Variants in CCSER1 observed in about 807,000 individuals in gnomAD.
CCSER1 encodes serine-rich coiled-coil domain-containing protein 1.
In CCSER1, 41 loss-of-function variants were observed where a neutral mutation model predicts 82.0. The observed-to-expected ratio is 0.50, with a 90% CI of 0.39 to 0.65. CCSER1 has a LOEUF of 0.65. CCSER1 is among the 30% of genes least tolerant of loss of function. The pLI, the probability that CCSER1 is intolerant of heterozygous loss-of-function variation, is 0.00. For synonymous variants in CCSER1, 414 were observed against 383.9 expected (o/e 1.08, Z -0.92); for missense variants, 1,119 against 1,064.2 (o/e 1.05, Z -0.72).
intron 10 of CCSER1, among the ~76,000 whole-genome samples, chr4:91,373,532 A>T (rs1309946037): frequency 6.6e-6 from 1 of 152,120 alleles, no homozygotes; most frequent in Non-Finnish European, 1.5e-5. Context: ...GAAGACAGCA[A>T]ACTGAATACA....
intron 10 of CCSER1, among the ~76,000 whole-genome samples, chr4:91,265,797 T>G (rs1560553183): frequency 1.3e-5 from 2 of 152,132 alleles, no homozygotes; most frequent in Non-Finnish European, 1.5e-5. Flanking sequence ...ACTGAAAAAT[T>G]TTGGGAAAAC....
At chr4:90,602,084 T>C (rs892838524) in intron 5 of CCSER1, among the ~76,000 whole-genome samples, 2 of 152,180 alleles carry the variant, frequency 1.3e-5, no homozygotes, top group African/African-American at 4.8e-5. Flanking sequence ...TACATTCTTA[T>C]AGAATTTATG....
chr4:91,023,826 C>T (rs1561479988), intron 9 of CCSER1, among the ~76,000 whole-genome samples: 1 of 152,158 alleles, frequency 6.6e-6, no homozygotes, highest in Non-Finnish European at 1.5e-5. Flanking sequence ...ACATTTAATG[C>T]CATGTTTCTC....
intron 10 of CCSER1, among the ~76,000 whole-genome samples, chr4:91,286,572 G>A (rs924039119): frequency 2.6e-5 from 4 of 151,714 alleles, no homozygotes; most frequent in Non-Finnish European, 5.9e-5. Context: ...TTATCTACAT[G>A]TGATATGAAT....
intron 10 of CCSER1, among the ~76,000 whole-genome samples, chr4:91,411,063 T>C (rs951001822): frequency 6.6e-6 from 1 of 152,014 alleles, no homozygotes; most frequent in Non-Finnish European, 1.5e-5. Flanking sequence ...TATAATTTTA[T>C]GTAATTTTAT....
intron 7 of CCSER1, among the ~76,000 whole-genome samples, chr4:90,737,631 T>A (rs939263487): frequency 5.3e-5 from 8 of 152,152 alleles, no homozygotes; most frequent in African/African-American, 1.9e-4. Context: ...CTATAAATTT[T>A]AGGTACTTAA....
At chr4:90,497,487 CAT>C (rs1203878212) in intron 5 of CCSER1, among the ~76,000 whole-genome samples, 4 of 152,136 alleles carry the variant, frequency 2.6e-5, no homozygotes, top group East Asian at 3.8e-4. Flanking sequence ...AATAAAAACA[CAT>C]GTTTACAATA....
chr4:90,900,695 G>A (rs1230140576), intron 8 of CCSER1, among the ~76,000 whole-genome samples: 1 of 151,898 alleles, frequency 6.6e-6, no homozygotes, highest in Non-Finnish European at 1.5e-5. Context: ...AATGTGTTGA[G>A]AATCTCTTTA....
chr4:91,336,803 A>G (rs909621736), intron 10 of CCSER1, among the ~76,000 whole-genome samples: 5 of 152,136 alleles, frequency 3.3e-5, no homozygotes, highest in Non-Finnish European at 7.4e-5. Flanking sequence ...TTATAGAAAC[A>G]TAATGTTAAA....
chr4:90,543,930 C>A (rs916705508), intron 5 of CCSER1, among the ~76,000 whole-genome samples: 42 of 152,132 alleles, frequency 2.8e-4, no homozygotes, highest in Non-Finnish European at 4.4e-5. Flanking sequence ...CACCCTGCAT[C>A]TCAGCTAATG....
chr4:91,158,641 T>C (rs1006144990), intron 10 of CCSER1, among the ~76,000 whole-genome samples: 3 of 151,878 alleles, frequency 2.0e-5, no homozygotes, highest in African/African-American at 7.3e-5. Context: ...TGTGTGTGTG[T>C]GTGTGTCTCA....
chr4:90,889,802 A>G (rs944465466), intron 8 of CCSER1, among the ~76,000 whole-genome samples: 15 of 152,196 alleles, frequency 9.9e-5, no homozygotes, highest in Non-Finnish European at 2.1e-4. Flanking sequence ...TTGCACACAT[A>G]TAATCTTTTA....
At chr4:91,247,421 G>A (rs1052547162) in intron 10 of CCSER1, among the ~76,000 whole-genome samples, 2 of 152,270 alleles carry the variant, frequency 1.3e-5, no homozygotes, top group Non-Finnish European at 2.9e-5. Flanking sequence ...TTACAGATTA[G>A]AGTTAGGACA....
At chr4:90,766,668 T>C (rs1430935231) in intron 7 of CCSER1, among the ~76,000 whole-genome samples, 1 of 152,040 alleles carries the variant, frequency 6.6e-6, no homozygotes, top group African/African-American at 2.4e-5. Flanking sequence ...TAAGCAAAAT[T>C]ACCTTGTCAT....
At chr4:90,391,504 A>ATAT (rs1751126399) in intron 3 of CCSER1, among the ~76,000 whole-genome samples, 2 of 79,416 alleles carry the variant, frequency 2.5e-5, no homozygotes, top group African/African-American at 4.8e-5. Context: ...ACAGTGGGTA[A>ATAT]ATATATATAT....
intron 1 of CCSER1, among the ~76,000 whole-genome samples, chr4:90,174,277 C>T (rs953803382): frequency 6.6e-6 from 1 of 151,770 alleles, no homozygotes; most frequent in Non-Finnish European, 1.5e-5. Flanking sequence ...GTAAAGCATA[C>T]AAAAAGTTTA....
At chr4:91,263,333 C>G (rs1258801598) in intron 10 of CCSER1, among the ~76,000 whole-genome samples, 1 of 151,996 alleles carries the variant, frequency 6.6e-6, no homozygotes, top group East Asian at 1.9e-4. Context: ...TAATTTTAAT[C>G]ACGACATTCT....
chr4:90,351,677 G>C (rs1362009516), intron 3 of CCSER1, among the ~76,000 whole-genome samples: 1 of 152,082 alleles, frequency 6.6e-6, no homozygotes, highest in Non-Finnish European at 1.5e-5. Flanking sequence ...GATTGACTCT[G>C]GAAAAATAGA....
intron 9 of CCSER1, among the ~76,000 whole-genome samples, chr4:91,074,346 A>C (rs573904987): frequency 6.6e-6 from 1 of 152,222 alleles, no homozygotes; most frequent in African/African-American, 2.4e-5. Flanking sequence ...AATAGTAATG[A>C]GTCTTTTATT....
Sources: allele counts gnomAD v4.1 joint callset (sites outside exome capture counted in the v4.1 genomes callset), GRCh38; gene constraint gnomAD v4.1.1; transcripts MANE v1.5; gene names NCBI Gene and HGNC (gene_info 2026-07-23, HGNC 2026-07-21).